Variants in PCDHGB3 observed in about 807,000 individuals in gnomAD.
PCDHGB3 encodes protocadherin gamma subfamily B, 3.
A neutral mutation model predicts 59.2 loss-of-function variants in PCDHGB3; 40 were observed. That is an observed-to-expected ratio of 0.68 (90% CI 0.52 to 0.88). The LOEUF is 0.88. Ranked by LOEUF, PCDHGB3 falls within the 40% of genes least tolerant of loss-of-function variation. PCDHGB3 has a pLI of 0.00. For missense variants in PCDHGB3, 1,309 were observed against 1,187.9 expected (o/e 1.10, Z -1.50); for synonymous variants, 581 against 503.6 (o/e 1.15, Z -2.06).
intron 1 of PCDHGB3, chr5:141,393,124 T>A: frequency 6.2e-7 from 1 of 1,613,430 alleles, no homozygotes; most frequent in Non-Finnish European, 8.5e-7. Flanking sequence ...CGGTGTCTGA[T>A]AAATATTAAC....
At chr5:141,452,281 T>C (rs948141174) in intron 1 of PCDHGB3, among the ~76,000 whole-genome samples, 1 of 152,232 alleles carries the variant, frequency 6.6e-6, no homozygotes, top group African/African-American at 2.4e-5. Flanking sequence ...CCTTTCTTAC[T>C]TTCTGATATA....
chr5:141,489,091 T>C lies in PCDHGB3; in HGVS notation c.2416-5716T>C. 1 of 333,052 alleles carries C rather than the reference T, an allele frequency of 3.0e-6. No individual in the cohort carries two copies. The highest frequency in any genetic ancestry group is 5.5e-6 in the Non-Finnish European group (1 of 181,380). 20.6% of individuals were successfully genotyped at this position (333,052 alleles called of 1,614,324 possible). On this transcript the variant is annotated intron_variant, in intron 1 of 3. Coordinates refer to ENST00000576222, the MANE Select transcript of PCDHGB3 (RefSeq NM_018924.5). This position sits in a 1 kb window ranked among gnomAD's most constrained non-coding sequence, Gnocchi z 4.5. ...CTGCCCACCCCCGCCACTCGGTGAC[T>C]AAGAACTGCTGCAAGCAGGCAAACC...
rs369206085 is a variant in PCDHGB3 at position 141,490,515 on chromosome 5, G to A, written c.2416-4292G>A. On this transcript the variant is annotated intron_variant, in intron 1 of 3. Transcript: ENST00000576222. The surrounding 1 kb of genome is among the most constrained non-coding windows in gnomAD (Gnocchi z 5.4). ...CATCCCACTATATCATCGAGCTGCT[G>A]GCCAGCGATGCTGGTTCACCTTCCC... The A allele has an allele frequency of 2.3e-5, 37 of 1,613,840 alleles. No individual in the cohort carries two copies. In the Middle Eastern group the frequency reaches 1.2e-3, roughly 50 times the overall value.
chr5:141,389,058 A>G, intron 1 of PCDHGB3: 2 of 1,614,020 alleles, frequency 1.2e-6, no homozygotes, highest in Non-Finnish European at 1.7e-6. Flanking sequence ...TCCATTTAAA[A>G]TATTAACTTC....
chr5:141,476,142 G>T lies in PCDHGB3; in HGVS notation c.2416-18665G>T. 6.2e-7 allele frequency: 1 copy of T among 1,610,446 alleles called. No individual in the cohort carries two copies. Among genetic ancestry groups the T allele is most frequent in the South Asian group, 1.1e-5 (1 of 90,868 alleles). On this transcript the variant is annotated intron_variant, in intron 1 of 3. Coordinates refer to ENST00000576222, the MANE Select transcript of PCDHGB3 (RefSeq NM_018924.5). The surrounding 1 kb of genome is among the most constrained non-coding windows in gnomAD (Gnocchi z 7.6). Reference sequence around the variant, plus strand: ...ATGGTCCCAGAGGCCTGGAGGAGCGGACTGGTAAGCACCGGGAGGGTAGTG... The same window carrying T: ...ATGGTCCCAGAGGCCTGGAGGAGCGTACTGGTAAGCACCGGGAGGGTAGTG...
intron 3 of PCDHGB3, among the ~76,000 whole-genome samples, chr5:141,509,262 ACT>A (rs761383166): frequency 9.2e-5 from 14 of 151,714 alleles, no homozygotes; most frequent in Non-Finnish European, 1.9e-4. Flanking sequence ...GGCTTTAGTC[ACT>A]CTCGCTACCC....
At chr5:141,405,488 C>A in intron 1 of PCDHGB3, 1 of 895,936 alleles carries the variant, frequency 1.1e-6, no homozygotes, top group Non-Finnish European at 1.7e-6. Context: ...GGTGTGATCT[C>A]GGCTCATTGC....
At chr5:141,385,442 G>A (rs949035085) in intron 1 of PCDHGB3, 28 of 1,449,952 alleles carry the variant, frequency 1.9e-5, no homozygotes, top group South Asian at 1.5e-5. Flanking sequence ...AGGTAAAAAT[G>A]AGTTTACCAG....
intron 1 of PCDHGB3, among the ~76,000 whole-genome samples, chr5:141,460,793 A>T (rs954317795): frequency 2.0e-4 from 30 of 152,024 alleles, no homozygotes; most frequent in Non-Finnish European, 2.9e-5. Flanking sequence ...TATACACACA[A>T]AGTATATATA....
intron 2 of PCDHGB3, among the ~76,000 whole-genome samples, chr5:141,496,565 T>C (rs2099769541): frequency 6.6e-6 from 1 of 152,136 alleles, no homozygotes; most frequent in African/African-American, 2.4e-5. Context: ...CACAGTCCTG[T>C]CACCCATTTT....
intron 1 of PCDHGB3, chr5:141,392,967 C>A (rs1442170331): frequency 1.2e-6 from 2 of 1,613,766 alleles, no homozygotes; most frequent in African/African-American, 2.7e-5. Context: ...CTCCAAGGAC[C>A]TGGGGCTGGA....
In PCDHGB3 at chr5:141,448,129, C is replaced by A. The variant is rs116387986; in HGVS notation, c.2416-46678C>A. On this transcript the variant is annotated intron_variant, in intron 1 of 3. Coordinates refer to ENST00000576222, the MANE Select transcript of PCDHGB3 (RefSeq NM_018924.5). Reference sequence around the variant, plus strand: ...AGAAAAGAAAATTAGCCTCCCCCACCCTCACTATACCTCAGACTCACCCCT... The same window carrying A: ...AGAAAAGAAAATTAGCCTCCCCCACACTCACTATACCTCAGACTCACCCCT... 4.4e-3 allele frequency among the ~76,000 whole-genome samples: 671 copies of A among 152,002 alleles called. 4 individuals carry two copies. Among genetic ancestry groups the A allele is most frequent in the African/African-American group, 0.015 (612 of 41,466 alleles).
intron 1 of PCDHGB3, chr5:141,415,814 T>G: frequency 7.5e-7 from 1 of 1,330,430 alleles, no homozygotes; most frequent in South Asian, 1.8e-5. Flanking sequence ...AAGGCCTATA[T>G]ATCATAAGGC....
rs374181150 is a variant in PCDHGB3, at chr5:141,477,134, G to C, written c.2416-17673G>C. The C allele has an allele frequency of 2.5e-5, 41 of 1,614,092 alleles. No homozygotes were observed. Among genetic ancestry groups the C allele is most frequent in the Non-Finnish European group, 3.4e-5 (40 of 1,180,056 alleles). ...CGAAGGAGCACATTGCAAAGTGTTG[G>C]TGGAGGTTGTGGATGTGAATGACAA... is the stretch of plus-strand genomic sequence containing the variant. On this transcript the variant is annotated intron_variant, in intron 1 of 3. Coordinates refer to ENST00000576222, the MANE Select transcript of PCDHGB3 (RefSeq NM_018924.5). The surrounding 1 kb of genome is among the most constrained non-coding windows in gnomAD (Gnocchi z 4.9).
At chr5:141,466,123 A>G (rs961197575) in intron 1 of PCDHGB3, among the ~76,000 whole-genome samples, 1 of 151,364 alleles carries the variant, frequency 6.6e-6, no homozygotes, top group African/African-American at 2.4e-5. Flanking sequence ...CTCCAGCTCA[A>G]AAAAAAAATC....
intron 1 of PCDHGB3, among the ~76,000 whole-genome samples, chr5:141,402,647 A>C (rs2094289901): frequency 6.6e-6 from 1 of 152,250 alleles, no homozygotes; most frequent in Non-Finnish European, 1.5e-5. Flanking sequence ...TCATAATTAG[A>C]AGAGAGTAGT....
chr5:141,417,767 T>G lies in PCDHGB3; in HGVS notation c.2415+44958T>G, dbSNP rs1333916865. 1.3e-5 allele frequency: 19 copies of G among 1,442,000 alleles called. No individual in the cohort carries two copies. The South Asian group carries it at 1.8e-4, about 13-fold the overall frequency. 89.3% of individuals were successfully genotyped at this position (1,442,000 alleles called of 1,614,324 possible). ...GATTGCCAGCTCCGAGACCCGGGAC[T>G]CCTCCTGTCCTGGGCCGAATGCTCT... On this transcript the variant is annotated intron_variant, in intron 1 of 3. Coordinates refer to ENST00000576222, the MANE Select transcript of PCDHGB3 (RefSeq NM_018924.5).
chr5:141,477,220 G>A lies in PCDHGB3; in HGVS notation c.2416-17587G>A. 24 of 1,614,190 alleles carry A rather than the reference G, an allele frequency of 1.5e-5. No individual in the cohort carries two copies. The highest frequency in any genetic ancestry group is 1.9e-5 in the Non-Finnish European group (23 of 1,180,040). ...CAGTACCCGAGGATGCCCCTCTGGG[G>A]ACTGTCATCGCTTTGCTCAGTGTGA... is the stretch of plus-strand genomic sequence containing the variant. On this transcript the variant is annotated intron_variant, in intron 1 of 3. Coordinates refer to ENST00000576222, the MANE Select transcript of PCDHGB3 (RefSeq NM_018924.5). The surrounding 1 kb of genome is among the most constrained non-coding windows in gnomAD (Gnocchi z 4.9).
intron 1 of PCDHGB3, chr5:141,396,354 C>T (rs1285916157): frequency 6.6e-6 from 1 of 152,456 alleles, no homozygotes; most frequent in East Asian, 1.9e-4. Context: ...TGCGGTGGCT[C>T]ACGCCTGTAA....
Sources: allele counts gnomAD v4.1 joint callset (sites outside exome capture counted in the v4.1 genomes callset), GRCh38; gene constraint gnomAD v4.1.1; non-coding constraint Gnocchi (gnomAD v3.1); transcripts MANE v1.5; gene names NCBI Gene and HGNC (gene_info 2026-07-23, HGNC 2026-07-21).